Variants in ATG2A observed in about 807,000 individuals in gnomAD.
The protein encoded by ATG2A is autophagy-related protein 2 homolog A.
ATG2A carries 103 observed loss-of-function variants against 214.2 expected under a neutral mutation model. That is an observed-to-expected ratio of 0.48 (90% CI 0.41 to 0.57). The LOEUF (loss-of-function observed/expected upper bound fraction) is 0.57, where lower values mean the gene tolerates loss of function less well. Ranked by LOEUF, ATG2A falls within the 20% of genes least tolerant of loss-of-function variation. The pLI is 0.00. For missense variants in ATG2A, 2,312 were observed against 2,613.2 expected (o/e 0.88, Z 2.51); for synonymous variants, 1,160 against 1,142.1 (o/e 1.02, Z -0.32).
At chr11:64,912,965 T>A in intron 6 of ATG2A, 73 bp downstream of exon 6, 1 of 1,109,656 alleles carries the variant, frequency 9.0e-7, no homozygotes, top group South Asian at 1.6e-5. Context: ...GGGCTGTAGA[T>A]AATCAGCCTT....
chr11:64,903,495 C>A lies in ATG2A; in HGVS notation c.3535+95G>T. On this transcript the variant is annotated intron_variant, in intron 25 of 40. Coordinates refer to ENST00000377264, the MANE Select transcript of ATG2A (RefSeq NM_015104.3). This position sits in a 1 kb window ranked among gnomAD's most constrained non-coding sequence, Gnocchi z 4.2. ...GGGCTACGTGTGGGAGCTAAGGACCCGGCCAGCAGCTGCGGGGAGACACCT... is the reference window on the plus strand; with the variant it reads ...GGGCTACGTGTGGGAGCTAAGGACCAGGCCAGCAGCTGCGGGGAGACACCT... 9 of 1,483,056 alleles carry A rather than the reference C, an allele frequency of 6.1e-6. No individual in the cohort carries two copies. Among genetic ancestry groups the A allele is most frequent in the Non-Finnish European group, 7.3e-6 (8 of 1,092,820 alleles). 91.9% of individuals were successfully genotyped at this position (1,483,056 alleles called of 1,614,324 possible).
chr11:64,900,343 C>T (rs1288001733), intron 31 of ATG2A, 151 bp downstream of exon 31: 13 of 1,208,752 alleles, frequency 1.1e-5, no homozygotes, highest in Non-Finnish European at 1.5e-5. Context: ...CACCATCGGA[C>T]ACACTCGATA....
intron 29 of ATG2A, 145 bp downstream of exon 29, chr11:64,901,817 C>T (rs1047233999): frequency 1.6e-5 from 14 of 895,644 alleles, no homozygotes; most frequent in African/African-American, 8.2e-5. Context: ...CCTAGCACCA[C>T]CCCCGAGGTG....
At position 64,895,203 on chromosome 11, in the gene ATG2A, A is replaced by C; in HGVS notation, c.5587T>G (p.Leu1863Val). The stretch of plus-strand genomic sequence containing the variant: ...TCACAGATGGTCTGAGCTGTATCCA[A>C]GATGCCCTGTGGAAGCCAGAGGTCA... ...KAYDTVREGI[L>V]DTAQTICDVA... The change falls in exon 41 of 41, where the codon TTG (leucine) becomes GTG (valine). Residue 1863 changes from leucine (L) to valine (V), a missense_variant. By Grantham distance (32) the Leu-to-Val change is conservative (BLOSUM62 1). Transcript: ENST00000377264. The surrounding 1 kb of genome is among the most constrained non-coding windows in gnomAD (Gnocchi z 5.0). 1 of 1,612,908 alleles carries C rather than the reference A, an allele frequency of 6.2e-7. No individual in the cohort carries two copies. The highest frequency in any genetic ancestry group is 2.2e-5 in the East Asian group (1 of 44,850).
At position 64,910,608 on chromosome 11, in the gene ATG2A, T is replaced by C; in HGVS notation, c.1707+8A>G. ...GGACAGCCTGGTGGCCTGGAGCGGG[T>C]GGGTTACCTTAGGCACACGGCGCAG... On this transcript the variant is annotated splice_region_variant and intron_variant, in intron 12 of 40. Coordinates refer to ENST00000377264, the MANE Select transcript of ATG2A (RefSeq NM_015104.3). 1 of 1,591,470 alleles carries C rather than the reference T, an allele frequency of 6.3e-7. No homozygotes were observed. Among genetic ancestry groups the C allele is most frequent in the Non-Finnish European group, 8.5e-7 (1 of 1,170,290 alleles).
At chr11:64,916,168 G>A (rs1399830381) in intron 1 of ATG2A, among the ~76,000 whole-genome samples, 3 of 152,106 alleles carry the variant, frequency 2.0e-5, no homozygotes, top group East Asian at 1.9e-4. Context: ...GCTCCTCACC[G>A]TTCCCAGCCT....
In ATG2A at chr11:64,906,344, T is replaced by C; in HGVS notation, c.3173A>G (p.Lys1058Arg). Residue 1058 changes from lysine to arginine, a missense_variant, in exon 21 of 41, where the codon AAG becomes AGG. Lys to Arg is a conservative substitution (Grantham distance 26, BLOSUM62 2). Coordinates refer to ENST00000377264, the MANE Select transcript of ATG2A (RefSeq NM_015104.3). ...TAGGCAAGCCCATACCTTCACATTC[T>C]TGTGGGGGTCCAGGTGGATGCGCAC... The part of the protein sequence containing the change: ...TAVRIHLDPH[K>R]NVKEFLVTLR... 1 of 1,613,088 alleles carries C rather than the reference T, an allele frequency of 6.2e-7. No individual in the cohort carries two copies. The highest frequency in any genetic ancestry group is 8.5e-7 in the Non-Finnish European group (1 of 1,179,872).
At chr11:64,916,893 C>T (rs943938502) in intron 1 of ATG2A, 72 bp downstream of exon 1, 24 of 1,579,924 alleles carry the variant, frequency 1.5e-5, no homozygotes, top group Non-Finnish European at 2.1e-5. Flanking sequence ...CAGCCCGATC[C>T]TGCCGCAGGG....
Position 64,913,556 on chromosome 11 carries a change from C to T in ATG2A, c.591-155G>A, listed in dbSNP as rs1052127756. On this transcript the variant is annotated intron_variant, in intron 4 of 40. Coordinates refer to ENST00000377264, the MANE Select transcript of ATG2A (RefSeq NM_015104.3). This position sits in a 1 kb window ranked among gnomAD's most constrained non-coding sequence, Gnocchi z 4.3. Reference sequence around the variant, plus strand: ...CCGTCCTGAACCACCATGTCCAGCCCGGAGGCTCAGGCCAGCCCTTGCTCC... The same window carrying T: ...CCGTCCTGAACCACCATGTCCAGCCTGGAGGCTCAGGCCAGCCCTTGCTCC... 15 of 1,093,078 alleles carry T rather than the reference C, an allele frequency of 1.4e-5. No individual in the cohort carries two copies. The highest frequency in any genetic ancestry group is 3.0e-4 in the Middle Eastern group (1 of 3,286). 67.7% of individuals were successfully genotyped at this position (1,093,078 alleles called of 1,614,324 possible).
Position 64,906,766 on chromosome 11 carries a change from T to G in ATG2A, c.2882A>C (p.Asp961Ala). The G allele has an allele frequency of 6.2e-7, 1 of 1,613,376 alleles. No individual in the cohort carries two copies. The change falls in exon 20 of 41, where the codon GAC (aspartate) becomes GCC (alanine). Residue 961 changes from aspartate (D) to alanine (A), a missense_variant. Coordinates refer to ENST00000377264, the MANE Select transcript of ATG2A (RefSeq NM_015104.3). ...LEAVHGELVL[D>A]MEHGTLFSVS... ...GCTGAAGAGGGTACCGTGCTCCATG[T>G]CCAGCACCAGCTCCCCGTGCACAGC...
Position 64,910,905 on chromosome 11 carries a change from G to A in ATG2A, c.1516C>T (p.Arg506Trp), listed in dbSNP as rs778851421. 2.2e-5 allele frequency: 35 copies of A among 1,612,186 alleles called. No individual in the cohort carries two copies. Among genetic ancestry groups the A allele is most frequent in the South Asian group, 4.4e-5 (4 of 90,926 alleles). ...TCCATGCTGGTTGTCCGCCGGCCCC[G>A]ACTGCCCGTCCGCAGCTCCCAGGAC... ...QLSWELRTGS[R>W]GRRTTSMEVH... Residue 506 changes from arginine to tryptophan, a missense_variant, in exon 11 of 41, where the codon CGG (arginine) becomes TGG (tryptophan). Arg to Trp is a moderately radical substitution (Grantham distance 101). Coordinates refer to ENST00000377264, the MANE Select transcript of ATG2A (RefSeq NM_015104.3).
At position 64,897,704 on chromosome 11, in the gene ATG2A, A is replaced by G. The variant is rs1286038168; in HGVS notation, c.5034T>C (p.Asp1678=). ...CCATCGTGACGTGCTTGCCATGGTA[A>G]TCCAGCCAGATGGGGACCTCAGACG... The part of the protein sequence containing the change: ...RFTSEVPIWL[D]YHGKHVTMDQ... The change falls in exon 36 of 41, where the codon GAT becomes GAC. Residue 1678 remains aspartate (D), a synonymous_variant. Transcript: ENST00000377264. 1.2e-6 allele frequency: 2 copies of G among 1,614,094 alleles called. No homozygotes were observed. Among genetic ancestry groups the G allele is most frequent in the African/African-American group, 1.3e-5 (1 of 74,948 alleles).
chr11:64,915,802 T>C (rs1944958905), intron 1 of ATG2A, among the ~76,000 whole-genome samples: 1 of 152,106 alleles, frequency 6.6e-6, no homozygotes, highest in Non-Finnish European at 1.5e-5. Flanking sequence ...AGCGAAATCC[T>C]GTCTCTATAA....
intron 14 of ATG2A, 79 bp downstream of exon 14, chr11:64,909,602 G>C (rs918631948): frequency 1.2e-4 from 189 of 1,571,034 alleles, no homozygotes; most frequent in Non-Finnish European, 1.6e-4. Flanking sequence ...TTGTGACTGG[G>C]CCCCTTCCAT....
rs761067208 is a variant in ATG2A, at chr11:64,902,037, C to T, written c.4044G>A (p.Arg1348=). The T allele has an allele frequency of 6.2e-7, 1 of 1,614,044 alleles. No individual in the cohort carries two copies. ...GSCSEEKEDE[R]EEEGDGDTLD... Reference sequence around the variant, plus strand: ...GGGTGTCTCCATCGCCCTCCTCTTCCCTTTCATCTTCCTTCTCCTCTGAGC... The same window carrying T: ...GGGTGTCTCCATCGCCCTCCTCTTCTCTTTCATCTTCCTTCTCCTCTGAGC... The change falls in exon 29 of 41, where the codon AGG becomes AGA. Residue 1348 remains arginine (R), a synonymous_variant. Transcript: ENST00000377264.
chr11:64,907,946 G>A (rs975831121), intron 16 of ATG2A, 56 bp from the exon 17 acceptor site: 32 of 1,565,490 alleles, frequency 2.0e-5, no homozygotes, highest in Non-Finnish European at 2.7e-5. Context: ...GCTGGCTGGG[G>A]CCTGTCTCTG....
At chr11:64,906,554 C>T (rs774929400) in intron 20 of ATG2A, 21 bp from the exon 21 acceptor site, 2 of 1,610,186 alleles carry the variant, frequency 1.2e-6, no homozygotes, top group South Asian at 2.2e-5. Flanking sequence ...GTCTCATGAG[C>T]CCCCTGCCAA....
In ATG2A at chr11:64,913,560, G is replaced by T; in HGVS notation, c.591-159C>A. ...CCTGAACCACCATGTCCAGCCCGGAGGCTCAGGCCAGCCCTTGCTCCTCAG... is the reference window on the plus strand; with the variant it reads ...CCTGAACCACCATGTCCAGCCCGGATGCTCAGGCCAGCCCTTGCTCCTCAG... On this transcript the variant is annotated intron_variant, in intron 4 of 40. Coordinates refer to ENST00000377264, the MANE Select transcript of ATG2A (RefSeq NM_015104.3). This position sits in a 1 kb window ranked among gnomAD's most constrained non-coding sequence, Gnocchi z 4.3. 9.5e-7 allele frequency: 1 copy of T among 1,049,000 alleles called. No homozygotes were observed. Among genetic ancestry groups the T allele is most frequent in the Non-Finnish European group, 1.3e-6 (1 of 746,244 alleles). 65.0% of individuals were successfully genotyped at this position (1,049,000 alleles called of 1,614,324 possible). A position where few individuals can be genotyped will look rare whatever the true frequency, so the allele number is the denominator to read the frequency against.
chr11:64,906,234 C>A, intron 21 of ATG2A, 41 bp from the exon 22 acceptor site: 1 of 1,609,336 alleles, frequency 6.2e-7, no homozygotes, highest in Non-Finnish European at 8.5e-7. Flanking sequence ...GGAGGCCAGC[C>A]CCACCGTGCA....
Sources: allele counts gnomAD v4.1 joint callset (sites outside exome capture counted in the v4.1 genomes callset), GRCh38; gene constraint gnomAD v4.1.1; non-coding constraint Gnocchi (gnomAD v3.1); transcripts MANE v1.5; gene names NCBI Gene and HGNC (gene_info 2026-07-23, HGNC 2026-07-21).